Variants in DLG2 observed in about 807,000 individuals in gnomAD.
DLG2 encodes the protein disks large homolog 2.
Under a neutral mutation model 132.5 loss-of-function variants are expected in DLG2, and 45 were observed. That is an observed-to-expected ratio of 0.34 (90% CI 0.27 to 0.44). The LOEUF is 0.44. Ranked by LOEUF, DLG2 falls within the 20% of genes least tolerant of loss-of-function variation. The pLI, the probability that DLG2 is intolerant of heterozygous loss-of-function variation, is 1.00. For missense variants in DLG2, 1,045 were observed against 1,196.9 expected (o/e 0.87, Z 1.87); for synonymous variants, 424 against 419.6 (o/e 1.01, Z -0.13).
chr11:83,533,529 A>G (rs570150523), intron 20 of DLG2, among the ~76,000 whole-genome samples: 24 of 152,198 alleles, frequency 1.6e-4, no homozygotes, highest in Non-Finnish European at 2.8e-4. Context: ...GGGAGGGTGC[A>G]AAGGAGGAGT....
At position 83,519,740 on chromosome 11, in the gene DLG2, G is replaced by A. The variant is rs544215436; in HGVS notation, c.2193+12968C>T. Among the ~76,000 whole-genome samples, 40 of 152,268 alleles carry A rather than the reference G, an allele frequency of 2.6e-4. No individual in the cohort carries two copies. In the South Asian group the frequency reaches 7.5e-3, roughly 28 times the overall value. Reference sequence around the variant, plus strand: ...AAATGTGAGCTTTGCCTATTACTGCGAAGGGCATAAACACAGAAGTTCAGG... The same window carrying A: ...AAATGTGAGCTTTGCCTATTACTGCAAAGGGCATAAACACAGAAGTTCAGG... On this transcript the variant is annotated intron_variant, in intron 21 of 27. Transcript: ENST00000376104.
chr11:83,716,410 G>A, intron 18 of DLG2, among the ~76,000 whole-genome samples: 1 of 152,130 alleles, frequency 6.6e-6, no homozygotes, highest in East Asian at 1.9e-4. Context: ...AACATCAGTT[G>A]CTCATTTTTC....
chr11:84,874,791 C>A (rs368773109), intron 6 of DLG2, among the ~76,000 whole-genome samples: 58 of 152,060 alleles, frequency 3.8e-4, no homozygotes, highest in African/African-American at 1.4e-3. Flanking sequence ...GAGGCCGAGG[C>A]GAGCTGATTA....
At position 83,730,020 on chromosome 11, in the gene DLG2, T is replaced by C. The variant is rs142894534; in HGVS notation, c.1825+56670A>G. Reference sequence around the variant, plus strand: ...AAACTTTTTTTAATTGTAGAAACAATTGGAGTTTACTAAGTAAAAATACAA... The same window carrying C: ...AAACTTTTTTTAATTGTAGAAACAACTGGAGTTTACTAAGTAAAAATACAA... On this transcript the variant is annotated intron_variant, in intron 18 of 27. Coordinates refer to ENST00000376104, the MANE Select transcript of DLG2 (RefSeq NM_001142699.3). Among the ~76,000 whole-genome samples the C allele has an allele frequency of 4.6e-5, 7 of 152,050 alleles. No individual in the cohort carries two copies. The East Asian group carries it at 1.4e-3, about 29-fold the overall frequency.
At chr11:83,582,069 G>A (rs1165723186) in intron 19 of DLG2, among the ~76,000 whole-genome samples, 1 of 141,252 alleles carries the variant, frequency 7.1e-6, no homozygotes, top group Admixed American at 7.9e-5. Context: ...CGATTCTCCT[G>A]CCTCAGCCTC....
At chr11:85,363,283 T>G (rs1313097026) in intron 3 of DLG2, among the ~76,000 whole-genome samples, 1 of 152,214 alleles carries the variant, frequency 6.6e-6, no homozygotes. Flanking sequence ...TAATCTTCTA[T>G]AAATTTCCCA....
At chr11:85,316,367 G>A (rs974805139) in intron 3 of DLG2, among the ~76,000 whole-genome samples, 2 of 151,958 alleles carry the variant, frequency 1.3e-5, no homozygotes. Flanking sequence ...TTAGTTATTT[G>A]AGCATGAGAT....
In DLG2 at chr11:84,785,922, T is replaced by C. The variant is rs113833461; in HGVS notation, c.358-251191A>G. On this transcript the variant is annotated intron_variant, in intron 6 of 27. Transcript: ENST00000376104. ...TTTCAGTTCCATCTTGTCATTTTCC[T>C]ACCTAAGACCTAGAATAAGTCTTTT... 1.5e-3 allele frequency among the ~76,000 whole-genome samples: 228 copies of C among 152,226 alleles called. 5 individuals are homozygous for C. The highest frequency in any genetic ancestry group is 5.2e-3 in the African/African-American group (218 of 41,566).
At chr11:85,140,520 TC>T (rs2076397990) in intron 5 of DLG2, among the ~76,000 whole-genome samples, 1 of 151,798 alleles carries the variant, frequency 6.6e-6, no homozygotes, top group Non-Finnish European at 1.5e-5. Flanking sequence ...TGTTTAATGA[TC>T]ACATCAGGGT....
At chr11:83,540,583 A>G (rs921782415) in intron 20 of DLG2, among the ~76,000 whole-genome samples, 1 of 152,180 alleles carries the variant, frequency 6.6e-6, no homozygotes, top group Non-Finnish European at 1.5e-5. Context: ...GACCACAGGC[A>G]GAGAGAAGAG....
At chr11:84,402,520 T>C (rs1206597629) in intron 7 of DLG2, among the ~76,000 whole-genome samples, 3 of 151,974 alleles carry the variant, frequency 2.0e-5, no homozygotes. Context: ...TGCCTTTCCA[T>C]TCACATCATT....
intron 3 of DLG2, among the ~76,000 whole-genome samples, chr11:85,286,291 C>G (rs2078553988): frequency 6.6e-6 from 1 of 151,932 alleles, no homozygotes; most frequent in African/African-American, 2.4e-5. Flanking sequence ...TCTTACTGTT[C>G]TATAGAAAGT....
chr11:84,338,162 C>A (rs1227083392), intron 7 of DLG2, among the ~76,000 whole-genome samples: 1 of 152,156 alleles, frequency 6.6e-6, no homozygotes. Flanking sequence ...GGTATCAAAT[C>A]TGTACAGTTC....
chr11:84,760,535 T>C (rs1203581079), intron 6 of DLG2, among the ~76,000 whole-genome samples: 2 of 152,252 alleles, frequency 1.3e-5, no homozygotes, highest in South Asian at 2.1e-4. Flanking sequence ...CTAATTGTGA[T>C]GTGATGACCT....
intron 6 of DLG2, among the ~76,000 whole-genome samples, chr11:84,648,563 G>C (rs1269449156): frequency 6.6e-6 from 1 of 152,122 alleles, no homozygotes; most frequent in Non-Finnish European, 1.5e-5. Context: ...TGTTGGAGGT[G>C]GGGGCTGGTG....
chr11:84,746,155 G>T (rs12365041), intron 6 of DLG2, among the ~76,000 whole-genome samples: 1 of 151,540 alleles, frequency 6.6e-6, no homozygotes, highest in Non-Finnish European at 1.5e-5. Context: ...TGTGGGCAAG[G>T]GGTCACTGGG....
chr11:83,545,132 G>C (rs1233661507), intron 19 of DLG2, among the ~76,000 whole-genome samples: 1 of 152,140 alleles, frequency 6.6e-6, no homozygotes, highest in East Asian at 1.9e-4. Context: ...TAGTAGCCAA[G>C]GAGGCAGGCT....
chr11:85,511,604 A>G (rs1386066061), intron 3 of DLG2, among the ~76,000 whole-genome samples: 1 of 152,036 alleles, frequency 6.6e-6, no homozygotes, highest in African/African-American at 2.4e-5. Flanking sequence ...ATGCAATACA[A>G]GGGACTATGC....
chr11:83,739,479 T>C (rs921526585), intron 18 of DLG2, among the ~76,000 whole-genome samples: 3 of 151,958 alleles, frequency 2.0e-5, no homozygotes, highest in Non-Finnish European at 4.4e-5. Context: ...AATACTTCTG[T>C]GATATTAATC....
Sources: gnomAD v4.1 joint callset for allele counts (sites outside exome capture counted in the v4.1 genomes callset) on GRCh38, gnomAD v4.1.1 for gene constraint, MANE v1.5 for transcripts, NCBI Gene and HGNC (gene_info 2026-07-23, HGNC 2026-07-21) for gene names.